The following MAMSTR variants were observed in gnomAD, a reference collection of about 807,000 sequenced individuals.
MAMSTR encodes MEF2 activating motif and SAP domain containing transcriptional regulator.
A neutral mutation model predicts 42.7 loss-of-function variants in MAMSTR; 41 were observed. That is an observed-to-expected ratio of 0.96 (90% CI 0.75 to 1.25). The LOEUF is 1.25. MAMSTR is among the 50% of genes most tolerant of loss of function. MAMSTR has a pLI of 0.00. For synonymous variants in MAMSTR, 265 were observed against 244.1 expected, an observed-to-expected ratio of 1.09 and a Z score of -0.80; for missense variants, 567 against 557.6, an observed-to-expected ratio of 1.02 and a Z score of -0.17.
chr19:48,707,883 G>GAAAGA (rs1555755212), downstream of MAMSTR, among the ~76,000 whole-genome samples: 39 of 106,108 alleles, frequency 3.7e-4, no homozygotes, highest in South Asian at 7.3e-3. Context: ...AAGAAAGAAA[G>GAAAGA]AAAGAAAAGA....
chr19:48,707,887 GA>G (rs377360249), downstream of MAMSTR, among the ~76,000 whole-genome samples: 5,553 of 74,304 alleles, frequency 0.075, 148 homozygotes, highest in Non-Finnish European at 0.086. Context: ...AAGAAAGAAA[GA>G]AAAGAAAGAA....
At chr19:48,711,559 G>GTTGTTTGTTTGTTTGT (rs57913334), downstream of MAMSTR, among the ~76,000 whole-genome samples, 44 of 150,428 alleles carry the variant, frequency 2.9e-4, no homozygotes, top group African/African-American at 1.1e-3. Flanking sequence ...GTGGGTTTTT[G>GTTGTTTGTTTGTTTGT]TTGTTTGTTT....
At chr19:48,716,941 G>A (rs1309655310) in intron 2 of MAMSTR, 198 bp from the exon 3 acceptor site, 6 of 1,189,272 alleles carry the variant, frequency 5.0e-6, no homozygotes, top group South Asian at 8.6e-5. Context: ...GCGCAGCGCC[G>A]CGGGCCAGCG....
downstream of MAMSTR, among the ~76,000 whole-genome samples, chr19:48,710,520 C>T (rs1156688266): frequency 6.7e-6 from 1 of 149,292 alleles, no homozygotes; most frequent in East Asian, 2.0e-4. Flanking sequence ...CTTCAAAGCT[C>T]AAGTGATCCT....
intron 3 of MAMSTR, among the ~76,000 whole-genome samples, chr19:48,716,478 A>T (rs182769802): frequency 5.6e-4 from 85 of 151,888 alleles, no homozygotes; most frequent in African/African-American, 9.2e-4. Flanking sequence ...TCCAAGTTCA[A>T]GCATCTCATT....
downstream of MAMSTR, among the ~76,000 whole-genome samples, chr19:48,707,839 G>GAAAGAAAGAAAGA: frequency 6.1e-5 from 1 of 16,400 alleles, no homozygotes; most frequent in African/African-American, 1.6e-4. Flanking sequence ...AGAAAGAAAG[G>GAAAGAAAGAAAGA]AAAGAAAGAA....
intron 2 of MAMSTR, among the ~76,000 whole-genome samples, chr19:48,718,399 T>C (rs2033127797): frequency 6.8e-6 from 1 of 146,594 alleles, no homozygotes; most frequent in Admixed American, 6.7e-5. Flanking sequence ...TTTTTTTTTT[T>C]TTTTTGAGAT....
chr19:48,715,896 G>C (rs751545914), intron 3 of MAMSTR, 129 bp from the exon 4 acceptor site: 2 of 1,450,092 alleles, frequency 1.4e-6, no homozygotes, highest in South Asian at 1.5e-5. Flanking sequence ...TGATTGCTGG[G>C]AGATGGGCGC....
intron 3 of MAMSTR, among the ~76,000 whole-genome samples, chr19:48,716,222 A>C (rs2033022669): frequency 2.0e-5 from 3 of 151,934 alleles, no homozygotes; most frequent in Non-Finnish European, 4.4e-5. Flanking sequence ...CTAACAATAC[A>C]AAAATTAGCC....
the MAMSTR span, among the ~76,000 whole-genome samples, chr19:48,707,680 G>T: frequency 6.0e-5 from 9 of 151,176 alleles, no homozygotes; most frequent in East Asian, 9.7e-4. Flanking sequence ...GGTGAAGTTT[G>T]CAATGAACTG....
chr19:48,707,875 G>C (rs1568464025), downstream of MAMSTR, among the ~76,000 whole-genome samples: 1 of 110,104 alleles, frequency 9.1e-6, no homozygotes, highest in Non-Finnish European at 2.0e-5. Context: ...AAGAAAGAAA[G>C]AAAGAAAGAA....
At chr19:48,714,189 T>A in intron 7 of MAMSTR, 144 bp from the exon 8 acceptor site, 1 of 1,060,044 alleles carries the variant, frequency 9.4e-7, no homozygotes, top group Non-Finnish European at 1.3e-6. Context: ...ATTCTTTCAT[T>A]GGCTCCTCTT....
At chr19:48,715,206 G>A in intron 5 of MAMSTR, 56 bp downstream of exon 5, 1 of 1,469,004 alleles carries the variant, frequency 6.8e-7, no homozygotes, top group Non-Finnish European at 9.3e-7. Flanking sequence ...TTTGAGGGAG[G>A]AGGATGCTGG....
chr19:48,707,883 G>GA (rs1555755211), downstream of MAMSTR, among the ~76,000 whole-genome samples: 21 of 106,108 alleles, frequency 2.0e-4, no homozygotes, highest in South Asian at 1.9e-3. Flanking sequence ...AAGAAAGAAA[G>GA]AAAGAAAAGA....
chr19:48,706,951 C>G, the MAMSTR span, among the ~76,000 whole-genome samples: 1 of 151,854 alleles, frequency 6.6e-6, no homozygotes, highest in African/African-American at 2.4e-5. Flanking sequence ...AAAAAACTAA[C>G]TGGGTATAGT....
chr19:48,710,414 CTTTTTTTTTTT>C (rs551847729), downstream of MAMSTR, among the ~76,000 whole-genome samples: 24 of 103,746 alleles, frequency 2.3e-4, no homozygotes, highest in Admixed American at 9.6e-4. Flanking sequence ...TGGGCCCAAT[CTTTTTTTTTTT>C]TTTTTTTTTT....
chr19:48,718,667 C>T (rs2122375997), intron 2 of MAMSTR, among the ~76,000 whole-genome samples: 1 of 152,104 alleles, frequency 6.6e-6, no homozygotes, highest in East Asian at 1.9e-4. Context: ...TCTGAGGTCC[C>T]TCCTCTGCTC....
chr19:48,714,260 C>A, intron 7 of MAMSTR, 106 bp downstream of exon 7: 1 of 1,079,068 alleles, frequency 9.3e-7, no homozygotes. Flanking sequence ...GGCTTCCTAC[C>A]GCTGGTCCTC....
chr19:48,706,174 C>T, the MAMSTR span, among the ~76,000 whole-genome samples: 6 of 150,252 alleles, frequency 4.0e-5, no homozygotes, highest in Non-Finnish European at 8.9e-5. Context: ...GTAGTCCCAG[C>T]TACTTGGCAG....
Sources: allele counts gnomAD v4.1 joint callset (sites outside exome capture counted in the v4.1 genomes callset), GRCh38; gene constraint gnomAD v4.1.1; transcripts MANE v1.5; gene names NCBI Gene and HGNC (gene_info 2026-07-23, HGNC 2026-07-21).